The following SPEG variants were observed in gnomAD, a reference collection of about 807,000 sequenced individuals.
SPEG encodes striated muscle enriched protein kinase.
In SPEG, 114 loss-of-function variants were observed where a neutral mutation model predicts 300.4. The ratio of observed to expected loss-of-function variants is 0.38; its 90% CI spans 0.33 to 0.44. The LOEUF (loss-of-function observed/expected upper bound fraction) is 0.44. SPEG is among the 20% of genes least tolerant of loss of function. The probability of loss-of-function intolerance (pLI) is 1.00; values close to 1 mark genes in which losing one functional copy is unlikely to be tolerated. For missense variants in SPEG, 4,201 were observed against 4,586.2 expected (o/e 0.92, Z 2.43); for synonymous variants, 1,964 against 2,018.9 (o/e 0.97, Z 0.73).
At position 219,483,167 on chromosome 2, in the gene SPEG, G is replaced by T. The variant is rs1478827891; in HGVS notation, c.5704G>T (p.Glu1902Ter). 6.2e-7 allele frequency: 1 copy of T among 1,609,602 alleles called. No homozygotes were observed. Among genetic ancestry groups the T allele is most frequent in the Non-Finnish European group, 8.5e-7 (1 of 1,179,380 alleles). ...CCCCGAGCTGCTGCGGGCCCCCCCA[G>T]AGCGGGTGTGGGTGACCATGCCCAG... ...PIPELLRAPP[E>*]RVWVTMPRRP... is the part of the protein sequence containing the mutation. Residue 1902 changes from glutamate to a stop codon, truncating the protein, a stop_gained, in exon 30 of 41, where the codon GAG becomes TAG. Transcript: ENST00000312358. LOFTEE classifies it high-confidence loss of function.
rs368977608 is a variant in SPEG, at chr2:219,462,559, C to T, written c.2705+173C>T. The stretch of plus-strand genomic sequence containing the variant: ...TCCCCCCGGCACCCTGTCCCTTGCC[C>T]CATGTTCCAGGCTTATTTAGGGCTT... On this transcript the variant is annotated intron_variant, in intron 8 of 40. Coordinates refer to ENST00000312358, the MANE Select transcript of SPEG (RefSeq NM_005876.5). 1.8e-4 allele frequency among the ~76,000 whole-genome samples: 28 copies of T among 152,368 alleles called. No homozygotes were observed. The Middle Eastern group carries it at 0.024, about 130-fold the overall frequency.
rs763987828 is a variant in SPEG, at chr2:219,444,729, C to T, written c.465C>T (p.Phe155=). 4.3e-6 allele frequency: 7 copies of T among 1,613,966 alleles called. No individual in the cohort carries two copies. Among genetic ancestry groups the T allele is most frequent in the Non-Finnish European group, 5.1e-6 (6 of 1,179,924 alleles). The part of the protein sequence containing the change: ...QRLELRDDGA[F]STPTGGSDTL... Reference sequence around the variant, plus strand: ...TGGAGCTTCGGGATGACGGGGCCTTCAGCACCCCCACGGGTGAGCTCCTGG... The same window carrying T: ...TGGAGCTTCGGGATGACGGGGCCTTTAGCACCCCCACGGGTGAGCTCCTGG... The change falls in exon 2 of 41, where the codon TTC becomes TTT. Residue 155 remains phenylalanine (F), a synonymous_variant. Transcript: ENST00000312358. This position sits in a 1 kb window ranked among gnomAD's most constrained non-coding sequence, Gnocchi z 7.8.
rs1689520727 is a variant in SPEG at position 219,448,862 on chromosome 2, T to C, written c.1704T>C (p.Pro568=). Residue 568 remains proline (P), a synonymous_variant, in exon 4 of 41, where the codon CCT becomes CCC. Coordinates refer to ENST00000312358, the MANE Select transcript of SPEG (RefSeq NM_005876.5). ...PSSAEKPGDE[P]GRPRSRGPAG... Reference sequence around the variant, plus strand: ...GCGCGGAGAAGCCGGGGGACGAGCCTGGGAGGCCCAGGAGCCGCGGGCCGG... The same window carrying C: ...GCGCGGAGAAGCCGGGGGACGAGCCCGGGAGGCCCAGGAGCCGCGGGCCGG... 1 of 1,403,324 alleles carries C rather than the reference T, an allele frequency of 7.1e-7. No individual in the cohort carries two copies. The highest frequency in any genetic ancestry group is 9.2e-7 in the Non-Finnish European group (1 of 1,087,374). The allele number at this position is 1,403,324 out of a possible 1,614,324, so 86.9% of individuals were successfully genotyped here.
intron 18 of SPEG, 114 bp from the exon 19 acceptor site, chr2:219,476,756 C>G: frequency 4.0e-6 from 3 of 758,688 alleles, no homozygotes; most frequent in Admixed American, 4.8e-5. Context: ...AGGCGGGGGT[C>G]TAGCGTTCTG....
chr2:219,464,665 ACTGT>A lies in SPEG; in HGVS notation c.2881+61_2881+64del. 6.4e-7 allele frequency: 1 copy of A among 1,551,488 alleles called. No homozygotes were observed. The highest frequency in any genetic ancestry group is 1.1e-5 in the South Asian group (1 of 87,006). On this transcript the variant is annotated intron_variant, in intron 9 of 40. Coordinates refer to ENST00000312358, the MANE Select transcript of SPEG (RefSeq NM_005876.5). This position sits in a 1 kb window ranked among gnomAD's most constrained non-coding sequence, Gnocchi z 4.5. The stretch of plus-strand genomic sequence containing the variant: ...CTGGCCCTGGCCCCTTCCTTCCCCC[ACTGT>A]CTGCTCTCACACAGCCTCAGTTAGA...
chr2:219,470,059 G>A (rs889605299), intron 13 of SPEG, among the ~76,000 whole-genome samples: 4 of 152,150 alleles, frequency 2.6e-5, no homozygotes, highest in Non-Finnish European at 4.4e-5. Context: ...CCTCCCATAA[G>A]ACAGTGCCCA....
rs763668978 is a variant in SPEG, at chr2:219,483,380, T to G, written c.5917T>G (p.Trp1973Gly). Residue 1973 changes from tryptophan to glycine, a missense_variant, in exon 30 of 41, where the codon TGG (tryptophan) becomes GGG (glycine). Around this residue, in one of 4 missense-constraint regions of SPEG, gnomAD observed 1,578 missense variants for 1,506.0 expected, o/e 1.05. Coordinates refer to ENST00000312358, the MANE Select transcript of SPEG (RefSeq NM_005876.5). ...GACTGGGGCTGCCACCCCCATGGAC[T>G]GGCAGGAGCAGGGAAGGGCTCCCTC... The part of the protein sequence containing the change: ...PETGAATPMD[W>G]QEQGRAPSQD... The G allele has an allele frequency of 4.4e-6, 7 of 1,602,162 alleles. No homozygotes were observed. Among genetic ancestry groups the G allele is most frequent in the Non-Finnish European group, 5.9e-6 (7 of 1,176,884 alleles).
Position 219,464,366 on chromosome 2 carries a change from G to A in SPEG, c.2706-67G>A, listed in dbSNP as rs114834599. On this transcript the variant is annotated intron_variant, in intron 8 of 40. Transcript: ENST00000312358. This position sits in a 1 kb window ranked among gnomAD's most constrained non-coding sequence, Gnocchi z 4.5. Reference sequence around the variant, plus strand: ...AAGGAGAGGCCTGCACAGTGCTGCAGCCCCAGTTCCTGTGCACGCACATCA... The same window carrying A: ...AAGGAGAGGCCTGCACAGTGCTGCAACCCCAGTTCCTGTGCACGCACATCA... 2,661 of 1,501,658 alleles carry A rather than the reference G, an allele frequency of 1.8e-3. 37 individuals carry two copies. In the African/African-American group the frequency reaches 0.033, roughly 19 times the overall value. The allele number at this position is 1,501,658 out of a possible 1,614,324, so 93.0% of individuals were successfully genotyped here.
rs1423015061 is a variant in SPEG, at chr2:219,468,889, G to A, written c.3332G>A (p.Arg1111Gln). 9 of 1,613,360 alleles carry A rather than the reference G, an allele frequency of 5.6e-6. No individual in the cohort carries two copies. Among genetic ancestry groups the A allele is most frequent in the East Asian group, 2.2e-5 (1 of 44,894 alleles). The change falls in exon 12 of 41, where the codon CGG becomes CAG. Residue 1111 changes from arginine to glutamine, a missense_variant. Arg to Gln is a conservative substitution (Grantham distance 43, BLOSUM62 1). Around this residue, in one of 4 missense-constraint regions of SPEG, gnomAD observed 1,047 missense variants for 1,356.8 expected, o/e 0.77. Coordinates refer to ENST00000312358, the MANE Select transcript of SPEG (RefSeq NM_005876.5). Reference sequence around the variant, plus strand: ...CCCATGGAGGAGAGTGAGAACTTGCGGCTGCGGCAGGACGGGGGTCTGCAC... The same window carrying A: ...CCCATGGAGGAGAGTGAGAACTTGCAGCTGCGGCAGGACGGGGGTCTGCAC... ...GCPMEESENL[R>Q]LRQDGGLHSL...
Position 219,444,649 on chromosome 2 carries a change from C to T in SPEG, c.389-4C>T. 1 of 1,613,736 alleles carries T rather than the reference C, an allele frequency of 6.2e-7. No individual in the cohort carries two copies. The highest frequency in any genetic ancestry group is 8.5e-7 in the Non-Finnish European group (1 of 1,179,724). ...CCTGCCCACACAGACCCCTTCTTCT[C>T]CAGACTCAGAGACGGCTGAGGATGA... On this transcript the variant is annotated splice_region_variant and splice_polypyrimidine_tract_variant and intron_variant, in intron 1 of 40. Transcript: ENST00000312358. The surrounding 1 kb of genome is among the most constrained non-coding windows in gnomAD (Gnocchi z 7.8).
rs1954725375 is a variant in SPEG, at chr2:219,436,560, G to A, written c.388+1195G>A. Among the ~76,000 whole-genome samples, 3 of 152,222 alleles carry A rather than the reference G, an allele frequency of 2.0e-5. No individual in the cohort carries two copies. In the South Asian group the frequency reaches 6.2e-4, roughly 31 times the overall value. Reference sequence around the variant, plus strand: ...CTTGGAGGCTGGGGAGGAGGCACAGGGAGGAAAGCCCTCAGCAGCAGGTGG... The same window carrying A: ...CTTGGAGGCTGGGGAGGAGGCACAGAGAGGAAAGCCCTCAGCAGCAGGTGG... On this transcript the variant is annotated intron_variant, in intron 1 of 40. Coordinates refer to ENST00000312358, the MANE Select transcript of SPEG (RefSeq NM_005876.5).
At position 219,484,556 on chromosome 2, in the gene SPEG, G is replaced by A; in HGVS notation, c.7093G>A (p.Gly2365Arg). Residue 2365 changes from glycine (G) to arginine (R), a missense_variant, in exon 30 of 41, where the codon GGG becomes AGG. Around this residue, in one of 4 missense-constraint regions of SPEG, gnomAD observed 1,578 missense variants for 1,506.0 expected, o/e 1.05. Coordinates refer to ENST00000312358, the MANE Select transcript of SPEG (RefSeq NM_005876.5). ...SRSEERGPFR[G>R]AEEEDGIYRP... is the part of the protein sequence containing the mutation. The stretch of plus-strand genomic sequence containing the variant: ...CTCGGAGGAGCGCGGCCCCTTCCGT[G>A]GGGCCGAGGAGGAGGATGGCATATA... The A allele has an allele frequency of 6.3e-7, 1 of 1,589,514 alleles. No homozygotes were observed. The highest frequency in any genetic ancestry group is 8.5e-7 in the Non-Finnish European group (1 of 1,172,042).
Position 219,481,724 on chromosome 2 carries a change from A to G in SPEG, c.5565+44A>G, listed in dbSNP as rs747446805. The G allele has an allele frequency of 6.3e-6, 10 of 1,576,472 alleles. No homozygotes were observed. The highest frequency in any genetic ancestry group is 4.4e-6 in the Non-Finnish European group (5 of 1,146,088). Reference sequence around the variant, plus strand: ...GTGGTGGCACAAAAGGTGGAGGGAGAGAGAATGTTACTAACAGCTCTATTT... The same window carrying G: ...GTGGTGGCACAAAAGGTGGAGGGAGGGAGAATGTTACTAACAGCTCTATTT... On this transcript the variant is annotated intron_variant, in intron 28 of 40. Coordinates refer to ENST00000312358, the MANE Select transcript of SPEG (RefSeq NM_005876.5). This position sits in a 1 kb window ranked among gnomAD's most constrained non-coding sequence, Gnocchi z 5.4.
At chr2:219,491,007 G>A (rs1693923151) in intron 38 of SPEG, 51 bp downstream of exon 38, 1 of 1,472,254 alleles carries the variant, frequency 6.8e-7, no homozygotes. Flanking sequence ...TGCCAGAGAG[G>A]CAGCAGCCAG....
rs1371333008 is a variant in SPEG at position 219,490,461 on chromosome 2, T to C, written c.8974T>C (p.Phe2992Leu). ...CCGGGAGAATGCCACGGGGCGAACG[T>C]TCGTGGCCAAGATCGTGCCCTATGC... ...ACRENATGRT[F>L]VAKIVPYAAE... is the part of the protein sequence containing the mutation. Residue 2992 changes from phenylalanine to leucine, a missense_variant, in exon 37 of 41, where the codon TTC becomes CTC. Physicochemically the swap from Phe to Leu is conservative, Grantham distance 22. Transcript: ENST00000312358. 6.2e-7 allele frequency: 1 copy of C among 1,613,142 alleles called. No individual in the cohort carries two copies. Among genetic ancestry groups the C allele is most frequent in the Non-Finnish European group, 8.5e-7 (1 of 1,179,984 alleles).
chr2:219,488,818 C>A lies in SPEG; in HGVS notation c.8067C>A (p.Thr2689=). The part of the protein sequence containing the change: ...GKLAPPEVPQ[T]YQDTALVLWK... ...TAGCTCCTCCAGAGGTACCCCAGAC[C>A]TACCAGGACACGGCGCTGGTGCTGT... The change falls in exon 34 of 41, where the codon ACC becomes ACA. Residue 2689 remains threonine (T), a synonymous_variant. Coordinates refer to ENST00000312358, the MANE Select transcript of SPEG (RefSeq NM_005876.5). 1 of 1,598,038 alleles carries A rather than the reference C, an allele frequency of 6.3e-7. No homozygotes were observed. The highest frequency in any genetic ancestry group is 8.5e-7 in the Non-Finnish European group (1 of 1,171,142).
chr2:219,472,336 G>C lies in SPEG; in HGVS notation c.3940+5G>C. The C allele has an allele frequency of 6.2e-7, 1 of 1,612,334 alleles. No homozygotes were observed. The highest frequency in any genetic ancestry group is 8.5e-7 in the Non-Finnish European group (1 of 1,178,830). On this transcript the variant is annotated splice_donor_5th_base_variant and intron_variant, in intron 15 of 40. Coordinates refer to ENST00000312358, the MANE Select transcript of SPEG (RefSeq NM_005876.5). ...GGAGTCTGGACATGGCCATCGGTGG[G>C]TCAGGGCTGCACAGGGCCATGGGTG...
Position 219,473,021 on chromosome 2 carries a change from C to T in SPEG, c.4072C>T (p.Arg1358Trp), listed in dbSNP as rs775313654. 2 of 1,613,972 alleles carry T rather than the reference C, an allele frequency of 1.2e-6. No individual in the cohort carries two copies. The highest frequency in any genetic ancestry group is 1.7e-5 in the Admixed American group (1 of 60,022). The part of the protein sequence containing the change: ...GLRKGVQHIF[R>W]VLSTTVKSSS... Reference sequence around the variant, plus strand: ...GCGTAAGGGGGTCCAGCACATCTTCCGGGTCCTCAGCACCACTGTCAAGAG... The same window carrying T: ...GCGTAAGGGGGTCCAGCACATCTTCTGGGTCCTCAGCACCACTGTCAAGAG... The change falls in exon 16 of 41, where the codon CGG (arginine) becomes TGG (tryptophan). Residue 1358 changes from arginine (R) to tryptophan (W), a missense_variant. By Grantham distance (101) the Arg-to-Trp change is moderately radical. Transcript: ENST00000312358. The surrounding 1 kb of genome is among the most constrained non-coding windows in gnomAD (Gnocchi z 4.6).
In SPEG at chr2:219,479,855, G is replaced by A. The variant is rs1319466889; in HGVS notation, c.5158G>A (p.Val1720Ile). ...CCAGAGCCACGTGCTGCACCTCGAT[G>A]TCAAGGTGAGGTGGGGACTGGAGAG... ...LHQSHVLHLD[V>I]KPENLLVWDG... Residue 1720 changes from valine to isoleucine, a missense_variant, in exon 24 of 41, where the codon GTC (valine) becomes ATC (isoleucine). Val to Ile is a conservative substitution (Grantham distance 29, BLOSUM62 3). Coordinates refer to ENST00000312358, the MANE Select transcript of SPEG (RefSeq NM_005876.5). This position sits in a 1 kb window ranked among gnomAD's most constrained non-coding sequence, Gnocchi z 5.5. The A allele has an allele frequency of 1.9e-6, 3 of 1,613,902 alleles. No individual in the cohort carries two copies. The highest frequency in any genetic ancestry group is 2.7e-5 in the African/African-American group (2 of 74,940).
Sources: gnomAD v4.1 joint callset for allele counts (sites outside exome capture counted in the v4.1 genomes callset) on GRCh38, gnomAD v4.1.1 for gene constraint, gnomAD v4.1.1 regional missense constraint, Gnocchi (gnomAD v3.1) non-coding constraint, MANE v1.5 for transcripts, NCBI Gene and HGNC (gene_info 2026-07-23, HGNC 2026-07-21) for gene names.